Variants in AK9 observed in about 807,000 individuals in gnomAD.
AK9 encodes adenylate kinase 9, also known as adenylate kinase domain containing 1.
In AK9, 191 loss-of-function variants were observed where a neutral mutation model predicts 239.6. That is an observed-to-expected ratio of 0.80 (90% CI 0.71 to 0.90). The LOEUF (loss-of-function observed/expected upper bound fraction) is 0.90, where lower values mean the gene tolerates loss of function less well. Among genes scored for constraint, AK9 ranks in the 40% least tolerant of loss-of-function variants. The probability of loss-of-function intolerance (pLI) is 0.00; values close to 1 mark genes in which losing one functional copy is unlikely to be tolerated. For missense variants in AK9, 1,995 were observed against 2,214.7 expected, an observed-to-expected ratio of 0.90 and a Z score of 1.99; for synonymous variants, 689 against 721.0, an observed-to-expected ratio of 0.96 and a Z score of 0.71.
At chr6:109,641,457 C>T (rs1797433503) in intron 10 of AK9, 61 bp downstream of exon 10, 1 of 1,380,868 alleles carries the variant, frequency 7.2e-7, no homozygotes, top group South Asian at 1.2e-5. Flanking sequence ...GTGTGAGCCA[C>T]TGCACCCTGC....
chr6:109,598,522 C>T (rs978954168), intron 17 of AK9, among the ~76,000 whole-genome samples: 70 of 152,146 alleles, frequency 4.6e-4, no homozygotes, highest in African/African-American at 1.3e-3. Context: ...TGAATAGTGC[C>T]GCAATAAATC....
intron 33 of AK9, 93 bp downstream of exon 33, chr6:109,509,086 T>G: frequency 7.9e-7 from 1 of 1,261,248 alleles, no homozygotes; most frequent in Non-Finnish European, 1.1e-6. Flanking sequence ...TTATAAGAGC[T>G]TTAAGCCCCA....
intron 29 of AK9, among the ~76,000 whole-genome samples, chr6:109,525,361 C>A (rs186434087): frequency 6.6e-6 from 1 of 152,088 alleles, no homozygotes; most frequent in Non-Finnish European, 1.5e-5. Context: ...AAACTATCAA[C>A]AGAAGAAACA....
intron 8 of AK9, 51 bp from the exon 9 acceptor site, chr6:109,644,739 G>A: frequency 6.8e-7 from 1 of 1,463,622 alleles, no homozygotes; most frequent in Admixed American, 1.8e-5. Context: ...TAGAAAAACT[G>A]AATACAAGAT....
intron 29 of AK9, among the ~76,000 whole-genome samples, chr6:109,525,554 A>C (rs1306433075): frequency 6.6e-6 from 1 of 152,246 alleles, no homozygotes; most frequent in Non-Finnish European, 1.5e-5. Flanking sequence ...GAGCATATGA[A>C]AAAATGCTCA....
At chr6:109,648,578 C>T (rs959005237) in intron 8 of AK9, among the ~76,000 whole-genome samples, 6 of 152,156 alleles carry the variant, frequency 3.9e-5, no homozygotes, top group African/African-American at 1.4e-4. Context: ...ATAACAGGCT[C>T]TGAAATTGAC....
At chr6:109,620,886 T>C (rs1209924537) in intron 12 of AK9, among the ~76,000 whole-genome samples, 1 of 151,564 alleles carries the variant, frequency 6.6e-6, no homozygotes, top group South Asian at 2.1e-4. Context: ...CATATATATG[T>C]ATATACTTGC....
chr6:109,647,092 T>G (rs1400708576), intron 8 of AK9, among the ~76,000 whole-genome samples: 1 of 152,086 alleles, frequency 6.6e-6, no homozygotes. Flanking sequence ...GAGGAAACAC[T>G]AAGCATGGAA....
Position 109,507,212 on chromosome 6 carries a change from A to G in AK9, c.4482-412T>C, listed in dbSNP as rs137883599. On this transcript the variant is annotated intron_variant, in intron 33 of 40. Transcript: ENST00000424296. Reference sequence around the variant, plus strand: ...TTTAAAACCTGGTTTGAACTTTCTAAGAGGAAATGATGTTTAACTCTTAGA... The same window carrying G: ...TTTAAAACCTGGTTTGAACTTTCTAGGAGGAAATGATGTTTAACTCTTAGA... Among the ~76,000 whole-genome samples, 79 of 152,336 alleles carry G rather than the reference A, an allele frequency of 5.2e-4. No homozygotes were observed. The East Asian group carries it at 0.011, about 22-fold the overall frequency.
intron 15 of AK9, 99 bp from the exon 16 acceptor site, chr6:109,612,192 C>A (rs1463579570): frequency 4.4e-6 from 3 of 679,754 alleles, no homozygotes; most frequent in Non-Finnish European, 7.2e-6. Flanking sequence ...AACCAGGACT[C>A]ACATTCCCAA....
At chr6:109,580,456 A>C (rs1379480963) in intron 19 of AK9, among the ~76,000 whole-genome samples, 3 of 152,226 alleles carry the variant, frequency 2.0e-5, no homozygotes, top group African/African-American at 7.2e-5. Context: ...AGAAACACAC[A>C]AAAGAATGTT....
chr6:109,631,494 T>C (rs1269425226), intron 12 of AK9, among the ~76,000 whole-genome samples: 1 of 152,148 alleles, frequency 6.6e-6, no homozygotes, highest in Non-Finnish European at 1.5e-5. Context: ...TATTATACAC[T>C]CACTAAAATG....
chr6:109,581,504 C>G (rs1760900786), intron 19 of AK9, among the ~76,000 whole-genome samples: 1 of 152,132 alleles, frequency 6.6e-6, no homozygotes, highest in Non-Finnish European at 1.5e-5. Context: ...GAAGATCAAA[C>G]CAGCCACAAC....
At chr6:109,516,844 T>C (rs537106593) in intron 29 of AK9, among the ~76,000 whole-genome samples, 25 of 152,344 alleles carry the variant, frequency 1.6e-4, no homozygotes, top group Non-Finnish European at 3.4e-4. Context: ...GTTGCCAGAA[T>C]TATTTTTCTG....
intron 28 of AK9, among the ~76,000 whole-genome samples, 167 bp downstream of exon 28, chr6:109,533,084 A>G (rs1214151321): frequency 6.6e-6 from 1 of 152,200 alleles, no homozygotes; most frequent in Non-Finnish European, 1.5e-5. Context: ...CAAAAGCCTG[A>G]AATAACTCTT....
intron 24 of AK9, chr6:109,550,613 G>T: frequency 5.2e-6 from 1 of 193,760 alleles, no homozygotes. Context: ...GTCATTGTGA[G>T]GTCAGTTTCT....
intron 1 of AK9, among the ~76,000 whole-genome samples, chr6:109,677,246 AAAAAT>A (rs1053888840): frequency 6.6e-6 from 1 of 152,168 alleles, no homozygotes; most frequent in Non-Finnish European, 1.5e-5. Context: ...CTAAAAGTTA[AAAAAT>A]AAAATAAAAT....
At chr6:109,600,429 C>A (rs949588526) in intron 17 of AK9, among the ~76,000 whole-genome samples, 5 of 152,096 alleles carry the variant, frequency 3.3e-5, no homozygotes, top group Admixed American at 6.5e-5. Flanking sequence ...GGATGAAGCC[C>A]ACTTGATCAT....
intron 10 of AK9, among the ~76,000 whole-genome samples, chr6:109,635,273 G>A (rs1184469248): frequency 6.6e-6 from 1 of 152,200 alleles, no homozygotes; most frequent in Non-Finnish European, 1.5e-5. Context: ...ATAGGTGAAA[G>A]CTAAATATCT....
Sources: gnomAD v4.1 joint callset for allele counts (sites outside exome capture counted in the v4.1 genomes callset) on GRCh38, gnomAD v4.1.1 for gene constraint, MANE v1.5 for transcripts, NCBI Gene and HGNC (gene_info 2026-07-23, HGNC 2026-07-21) for gene names.